Variants in SLC22A6 observed in about 807,000 individuals in gnomAD.
SLC22A6 encodes the protein PAH transporter.
In SLC22A6, 45 loss-of-function variants were observed where a neutral mutation model predicts 56.7. The observed-to-expected ratio is 0.79, with a 90% confidence interval of 0.63 to 1.02. SLC22A6 has a LOEUF of 1.02. Ranked by LOEUF, SLC22A6 falls within the 50% of genes least tolerant of loss-of-function variation. The pLI, the probability that SLC22A6 is intolerant of heterozygous loss-of-function variation, is 0.00. For synonymous variants in SLC22A6, 291 were observed against 295.9 expected (o/e 0.98, Z 0.17); for missense variants, 606 against 713.8 (o/e 0.85, Z 1.72).
At chr11:62,982,247 C>A (rs1200080458) in intron 3 of SLC22A6, among the ~76,000 whole-genome samples, 1 of 150,994 alleles carries the variant, frequency 6.6e-6, no homozygotes, top group South Asian at 2.1e-4. Flanking sequence ...TTTTTCTGCT[C>A]CTCCTCAACC....
chr11:62,978,590 C>CTTTTTT (rs1230405831), intron 8 of SLC22A6, among the ~76,000 whole-genome samples: 2 of 102,572 alleles, frequency 1.9e-5, no homozygotes, highest in Admixed American at 1.1e-4. Context: ...GTCTTGATCT[C>CTTTTTT]TTTTTTTTTT....
intron 9 of SLC22A6, 123 bp from the exon 10 acceptor site, chr11:62,977,004 C>T: frequency 6.7e-7 from 1 of 1,498,632 alleles, no homozygotes; most frequent in African/African-American, 1.4e-5. Flanking sequence ...CCCCAAATAC[C>T]TACTGCTCCC....
chr11:62,977,302 G>A lies in SLC22A6; in HGVS notation c.1447C>T (p.Pro483Ser), dbSNP rs776260036. 3 of 1,611,990 alleles carry A rather than the reference G, an allele frequency of 1.9e-6. No homozygotes were observed. The South Asian group carries it at 3.3e-5, about 18-fold the overall frequency. ...CCGTAGATGAAGAGAGGCATGGAGG[G>A]GTAGAGCTCGGCAGTCATGCTCACC... Reference protein sequence around the residue: ...PLVSMTAELYPSMPLFIYGAV... With the variant: ...PLVSMTAELYSSMPLFIYGAV... Residue 483 changes from proline to serine, a missense_variant, in exon 9 of 10, where the codon CCC becomes TCC. By Grantham distance (74) the Pro-to-Ser change is moderately conservative. Transcript: ENST00000360421.
rs1174200565 is a variant in SLC22A6 at position 62,984,483 on chromosome 11, C to A, written c.208G>T (p.Asp70Tyr). Residue 70 changes from aspartate (D) to tyrosine (Y), a missense_variant, in exon 1 of 10, where the codon GAC becomes TAC. Asp to Tyr is a radical substitution (Grantham distance 160, BLOSUM62 -3). Transcript: ENST00000360421. Reference sequence around the variant, plus strand: ...CAGGACTCAGGCTGCCCCTGCCTGTCCCGGGGCAGCCAGACCTCCAGCCCC... The same window carrying A: ...CAGGACTCAGGCTGCCCCTGCCTGTACCGGGGCAGCCAGACCTCCAGCCCC... ...NGGLEVWLPR[D>Y]RQGQPESCLR... 2 of 1,613,798 alleles carry A rather than the reference C, an allele frequency of 1.2e-6. No individual in the cohort carries two copies. The highest frequency in any genetic ancestry group is 1.7e-6 in the Non-Finnish European group (2 of 1,179,968).
In SLC22A6 at chr11:62,977,186, G is replaced by T. The variant is rs768200065; in HGVS notation, c.1563C>A (p.Ser521Arg). ...CTTCTTTCTGAGTGGGGGCCCACCT[G>T]CTCTCCAGGTCCTGCACCGTGTCTG... ...PLPDTVQDLE[S>R]RKGKQTRQQQ... is the part of the protein sequence containing the mutation. Residue 521 changes from serine to arginine, a missense_variant and splice_region_variant, in exon 9 of 10, where the codon AGC becomes AGA. Ser to Arg is a moderately radical substitution (Grantham distance 110). Transcript: ENST00000360421. 21 of 1,614,064 alleles carry T rather than the reference G, an allele frequency of 1.3e-5. No individual in the cohort carries two copies. The highest frequency in any genetic ancestry group is 1.7e-5 in the Non-Finnish European group (20 of 1,180,042).
chr11:62,982,118 G>A (rs11568621), intron 3 of SLC22A6, 108 bp from the exon 4 acceptor site: 58,717 of 1,073,706 alleles, frequency 0.055, 1,961 homozygotes, highest in Middle Eastern at 0.08. Context: ...AGTGGAAAAT[G>A]CATCGAGTAA....
At position 62,983,721 on chromosome 11, in the gene SLC22A6, G is replaced by T; in HGVS notation, c.474-30C>A. ...GGGAGGAGGGGAGACTTGTAGCAGG[G>T]CCCTGGAGACTGATGGGGGTCAGGC... is the stretch of plus-strand genomic sequence containing the variant. On this transcript the variant is annotated intron_variant, in intron 2 of 9. Transcript: ENST00000360421. The surrounding 1 kb of genome is among the most constrained non-coding windows in gnomAD (Gnocchi z 4.5). 6.3e-7 allele frequency: 1 copy of T among 1,588,534 alleles called. No individual in the cohort carries two copies.
intron 8 of SLC22A6, 36 bp downstream of exon 8, chr11:62,979,452 A>G (rs904114360): frequency 3.0e-6 from 4 of 1,330,616 alleles, no homozygotes; most frequent in Non-Finnish European, 4.3e-6. Context: ...TTTCCCCAGG[A>G]AAAGGCTGTC....
At chr11:62,979,252 G>A (rs1028044275) in intron 8 of SLC22A6, among the ~76,000 whole-genome samples, 1 of 152,174 alleles carries the variant, frequency 6.6e-6, no homozygotes, top group African/African-American at 2.4e-5. Flanking sequence ...TGCCCCAGTT[G>A]GTGGCTACTT....
chr11:62,981,116 G>T lies in SLC22A6; in HGVS notation c.922-16C>A, dbSNP rs539267696. ...CCCGGAGTACCTGCTGGGACCGGCA[G>T]AGCTCAGGGCCCGGGATCCTCCCAA... On this transcript the variant is annotated splice_polypyrimidine_tract_variant and intron_variant, in intron 5 of 9. Transcript: ENST00000360421. 4 of 1,610,426 alleles carry T rather than the reference G, an allele frequency of 2.5e-6. No individual in the cohort carries two copies. The South Asian group carries it at 3.3e-5, about 13-fold the overall frequency.
At chr11:62,977,092 G>A in intron 9 of SLC22A6, 92 bp downstream of exon 9, 1 of 1,605,408 alleles carries the variant, frequency 6.2e-7, no homozygotes, top group South Asian at 1.1e-5. Context: ...CTTTGGGCTA[G>A]AAGAGGAAGC....
Position 62,983,081 on chromosome 11 carries a change from A to G in SLC22A6, c.628+456T>C, listed in dbSNP as rs529222384. Among the ~76,000 whole-genome samples, 8 of 146,862 alleles carry G rather than the reference A, an allele frequency of 5.4e-5. No homozygotes were observed. In the East Asian group the frequency reaches 1.6e-3, roughly 29 times the overall value. The stretch of plus-strand genomic sequence containing the variant: ...TTTTTTTGAGACAGAGTCTCGCTCT[A>G]TTGCCCAGGCTGGAGTGCAGTGGCG... On this transcript the variant is annotated intron_variant, in intron 3 of 9. Transcript: ENST00000360421. This position sits in a 1 kb window ranked among gnomAD's most constrained non-coding sequence, Gnocchi z 4.5.
At chr11:62,981,155 G>A in intron 5 of SLC22A6, 55 bp from the exon 6 acceptor site, 2 of 1,604,984 alleles carry the variant, frequency 1.2e-6, no homozygotes, top group Non-Finnish European at 1.7e-6. Context: ...GCTCCTCCCA[G>A]CCTAATCCCT....
chr11:62,979,722 G>T lies in SLC22A6; in HGVS notation c.1252+12C>A, dbSNP rs11568620. The T allele has an allele frequency of 1.2e-6, 2 of 1,612,346 alleles. No homozygotes were observed. The highest frequency in any genetic ancestry group is 3.3e-4 in the Middle Eastern group (2 of 6,056). ...CTGAGGAGAAGGGGCCAAGGTGCTC[G>T]TGGGTGCTCACCCTGGGGTATCACC... On this transcript the variant is annotated intron_variant, in intron 7 of 9. Transcript: ENST00000360421.
At position 62,984,313 on chromosome 11, in the gene SLC22A6, G is replaced by A. The variant is rs576435163; in HGVS notation, c.369+9C>T. On this transcript the variant is annotated intron_variant, in intron 1 of 9. Coordinates refer to ENST00000360421, the MANE Select transcript of SLC22A6 (RefSeq NM_153276.3). ...CTTGGCCCCTGGATGGGGAGCCCCA[G>A]GTGCTCACCTCAGTCACGATGGTAG... The A allele has an allele frequency of 6.2e-7, 1 of 1,612,760 alleles. No homozygotes were observed. Among genetic ancestry groups the A allele is most frequent in the African/African-American group, 1.3e-5 (1 of 74,948 alleles).
In SLC22A6 at chr11:62,981,892, G is replaced by T. The variant is rs2086259469; in HGVS notation, c.747C>A (p.His249Gln). 9 of 1,613,890 alleles carry T rather than the reference G, an allele frequency of 5.6e-6. No homozygotes were observed. Among genetic ancestry groups the T allele is most frequent in the Non-Finnish European group, 7.6e-6 (9 of 1,179,954 alleles). The change falls in exon 4 of 10, where the codon CAC (histidine) becomes CAA (glutamine). Residue 249 changes from histidine to glutamine, a missense_variant. Physicochemically the swap from His to Gln is conservative, Grantham distance 24. Coordinates refer to ENST00000360421, the MANE Select transcript of SLC22A6 (RefSeq NM_153276.3). Reference sequence around the variant, plus strand: ...AAGGCGCAGAGACCAGTAGCTGCAGGTGGCGCCAGTGGGGCACAGCGTAGG... The same window carrying T: ...AAGGCGCAGAGACCAGTAGCTGCAGTTGGCGCCAGTGGGGCACAGCGTAGG... ...GVAYAVPHWRHLQLLVSAPFF... is the reference protein window; with the variant it reads ...GVAYAVPHWRQLQLLVSAPFF...
Position 62,979,865 on chromosome 11 carries a change from A to G in SLC22A6, c.1121T>C (p.Phe374Ser), listed in dbSNP as rs1265972012. The change falls in exon 7 of 10, where the codon TTT becomes TCT. Residue 374 changes from phenylalanine to serine, a missense_variant. Phe to Ser is a radical substitution (Grantham distance 155, BLOSUM62 -2). Transcript: ENST00000360421. The stretch of plus-strand genomic sequence containing the variant: ...CTTGGCAGGCAGGTCCACAGCACCA[A>G]AGATCACCTGGATTAGGTAGATGCT... Reference protein sequence around the residue: ...GVSIYLIQVIFGAVDLPAKLV... With the variant: ...GVSIYLIQVISGAVDLPAKLV... 1 of 1,614,234 alleles carries G rather than the reference A, an allele frequency of 6.2e-7. No individual in the cohort carries two copies. Among genetic ancestry groups the G allele is most frequent in the Admixed American group, 1.7e-5 (1 of 60,032 alleles).
intron 6 of SLC22A6, 37 bp downstream of exon 6, chr11:62,980,948 G>A (rs749472253): frequency 3.3e-6 from 5 of 1,536,726 alleles, no homozygotes; most frequent in Admixed American, 1.9e-5. Flanking sequence ...GCCCCAGCCA[G>A]CCTTTTGTCT....
chr11:62,983,479 G>A lies in SLC22A6; in HGVS notation c.628+58C>T. ...GAGGGGCAGGCTGGGAGGGGAGGCT[G>A]GAAAGGGGTTGCTGGGCTGGGTGGC... On this transcript the variant is annotated intron_variant, in intron 3 of 9. Coordinates refer to ENST00000360421, the MANE Select transcript of SLC22A6 (RefSeq NM_153276.3). This position sits in a 1 kb window ranked among gnomAD's most constrained non-coding sequence, Gnocchi z 4.5. The A allele has an allele frequency of 6.5e-7, 1 of 1,534,958 alleles. No homozygotes were observed. The highest frequency in any genetic ancestry group is 8.8e-7 in the Non-Finnish European group (1 of 1,136,072).
Sources: allele counts gnomAD v4.1 joint callset (sites outside exome capture counted in the v4.1 genomes callset), GRCh38; gene constraint gnomAD v4.1.1; non-coding constraint Gnocchi (gnomAD v3.1); transcripts MANE v1.5; gene names NCBI Gene and HGNC (gene_info 2026-07-23, HGNC 2026-07-21).